Variants in PRKCE observed in about 807,000 individuals in gnomAD.
PRKCE encodes protein kinase C epsilon type.
In PRKCE, 16 loss-of-function variants were observed where a neutral mutation model predicts 85.4. The ratio of observed to expected loss-of-function variants is 0.19; its 90% CI spans 0.13 to 0.28. The LOEUF is 0.28. Ranked by LOEUF, PRKCE falls within the 10% of genes least tolerant of loss-of-function variation. The pLI is 1.00. For synonymous variants in PRKCE, 388 were observed against 371.5 expected (o/e 1.04, Z -0.51); for missense variants, 573 against 975.2 (o/e 0.59, Z 5.49).
intron 1 of PRKCE, among the ~76,000 whole-genome samples, chr2:45,799,165 C>CA (rs60365471): frequency 0.085 from 10,200 of 119,562 alleles, 1,166 homozygotes; most frequent in African/African-American, 0.28. Context: ...GACTCCGTTT[C>CA]AAAAAAAAAA....
chr2:45,912,516 G>C (rs552280047), intron 2 of PRKCE, among the ~76,000 whole-genome samples: 2 of 152,160 alleles, frequency 1.3e-5, no homozygotes, highest in Non-Finnish European at 2.9e-5. Context: ...GCCTTGATTG[G>C]GGAAGGCTGA....
chr2:45,705,371 G>T (rs530761496), intron 1 of PRKCE, among the ~76,000 whole-genome samples: 1 of 152,340 alleles, frequency 6.6e-6, no homozygotes, highest in South Asian at 2.1e-4. Context: ...GCTGAATCCA[G>T]GAGTGGAAAA....
chr2:45,768,735 C>G (rs1256078487), intron 1 of PRKCE, among the ~76,000 whole-genome samples: 1 of 152,230 alleles, frequency 6.6e-6, no homozygotes, highest in African/African-American at 2.4e-5. Flanking sequence ...CCCATTTCTA[C>G]TACTGATTTT....
intron 1 of PRKCE, among the ~76,000 whole-genome samples, chr2:45,706,572 C>T (rs755552139): frequency 3.3e-5 from 5 of 152,170 alleles, no homozygotes; most frequent in African/African-American, 9.7e-5. Flanking sequence ...GATCTTTGCT[C>T]TTGTTTCTGC....
chr2:46,112,977 AC>A (rs1369230988), intron 11 of PRKCE, among the ~76,000 whole-genome samples: 4 of 152,220 alleles, frequency 2.6e-5, no homozygotes, highest in African/African-American at 9.6e-5. Flanking sequence ...AGAATCTATA[AC>A]ATATTGTCAT....
intron 6 of PRKCE, among the ~76,000 whole-genome samples, chr2:45,998,750 C>T (rs1704424325): frequency 6.6e-6 from 1 of 152,054 alleles, no homozygotes; most frequent in Non-Finnish European, 1.5e-5. Flanking sequence ...CTATGTTTGT[C>T]TTCCACTCAT....
chr2:46,181,781 C>A (rs1334474311), intron 14 of PRKCE, among the ~76,000 whole-genome samples: 1 of 152,154 alleles, frequency 6.6e-6, no homozygotes, highest in Non-Finnish European at 1.5e-5. Context: ...CACAGGTTCC[C>A]CTCATTAGCA....
chr2:45,976,661 C>A lies in PRKCE; in HGVS notation c.572+73C>A. ...GATGTCGGGGATGGGGTAGGGGAGACTATGCACCTCATTTAAAGAATGCTG... is the reference window on the plus strand; with the variant it reads ...GATGTCGGGGATGGGGTAGGGGAGAATATGCACCTCATTTAAAGAATGCTG... On this transcript the variant is annotated intron_variant, in intron 3 of 14. Transcript: ENST00000306156. 2.0e-6 allele frequency: 3 copies of A among 1,490,364 alleles called. No homozygotes were observed. In the East Asian group the frequency reaches 6.8e-5, roughly 34 times the overall value. The allele number at this position is 1,490,364 out of a possible 1,614,324, so 92.3% of individuals were successfully genotyped here.
intron 2 of PRKCE, among the ~76,000 whole-genome samples, chr2:45,966,957 A>G (rs1468256496): frequency 6.6e-6 from 1 of 152,178 alleles, no homozygotes; most frequent in African/African-American, 2.4e-5. Context: ...TCAGTATTGG[A>G]TTACTAAAGC....
intron 1 of PRKCE, among the ~76,000 whole-genome samples, chr2:45,672,866 A>T (rs1047928465): frequency 2.0e-5 from 3 of 152,094 alleles, no homozygotes; most frequent in South Asian, 2.1e-4. Flanking sequence ...CTCTAAAAAA[A>T]TTTTTAAAAA....
chr2:45,730,958 T>G (rs902268953), intron 1 of PRKCE, among the ~76,000 whole-genome samples: 5 of 152,220 alleles, frequency 3.3e-5, no homozygotes, highest in Admixed American at 3.3e-4. Flanking sequence ...CCTGGATTTA[T>G]CTAAAAGGAA....
chr2:45,744,250 G>C (rs529412548), intron 1 of PRKCE, among the ~76,000 whole-genome samples: 4 of 152,234 alleles, frequency 2.6e-5, no homozygotes, highest in East Asian at 3.9e-4. Flanking sequence ...TCAATCAATG[G>C]TAGTGGATGT....
chr2:45,905,992 C>T lies in PRKCE; in HGVS notation c.412+62929C>T, dbSNP rs1696944089. 6.6e-6 allele frequency among the ~76,000 whole-genome samples: 1 copy of T among 152,218 alleles called. No individual in the cohort carries two copies. The highest frequency in any genetic ancestry group is 2.4e-5 in the African/African-American group (1 of 41,452). The stretch of plus-strand genomic sequence containing the variant: ...CAGCGGTGATGCGCTTTCAACCCTC[C>T]TCCCCTACCCACATGACCCGGGTAT... On this transcript the variant is annotated intron_variant, in intron 2 of 14. Transcript: ENST00000306156. The surrounding 1 kb of genome is among the most constrained non-coding windows in gnomAD (Gnocchi z 4.4).
chr2:45,687,377 A>C (rs1677379379), intron 1 of PRKCE, among the ~76,000 whole-genome samples: 1 of 152,242 alleles, frequency 6.6e-6, no homozygotes, highest in Admixed American at 6.5e-5. Context: ...TCCAACTTAC[A>C]ATAGGTTACC....
At chr2:46,012,709 G>A (rs1387387116) in intron 10 of PRKCE, among the ~76,000 whole-genome samples, 2 of 152,238 alleles carry the variant, frequency 1.3e-5, no homozygotes, top group African/African-American at 2.4e-5. Flanking sequence ...GGGAAGCCAC[G>A]TTGAAGGTCA....
intron 2 of PRKCE, among the ~76,000 whole-genome samples, chr2:45,926,201 C>A (rs779920387): frequency 6.6e-6 from 1 of 152,130 alleles, no homozygotes; most frequent in Non-Finnish European, 1.5e-5. Flanking sequence ...ACTGCTGAGG[C>A]CTGCAATGAT....
chr2:45,705,615 G>A (rs1004507552), intron 1 of PRKCE, among the ~76,000 whole-genome samples: 34 of 152,160 alleles, frequency 2.2e-4, no homozygotes, highest in Admixed American at 1.6e-3. Flanking sequence ...AAACCTCCAC[G>A]CTTTGGCTTC....
intron 2 of PRKCE, among the ~76,000 whole-genome samples, chr2:45,939,839 C>T (rs1699752565): frequency 6.6e-6 from 1 of 152,232 alleles, no homozygotes; most frequent in African/African-American, 2.4e-5. Flanking sequence ...AGGCGTGAGC[C>T]ACCATGCCTG....
At chr2:45,948,560 G>T (rs1700395955) in intron 2 of PRKCE, among the ~76,000 whole-genome samples, 1 of 152,134 alleles carries the variant, frequency 6.6e-6, no homozygotes, top group Non-Finnish European at 1.5e-5. Context: ...GATTGCTTGA[G>T]CCCAGGAGCT....
Sources: gnomAD v4.1 joint callset for allele counts (sites outside exome capture counted in the v4.1 genomes callset) on GRCh38, gnomAD v4.1.1 for gene constraint, Gnocchi (gnomAD v3.1) non-coding constraint, MANE v1.5 for transcripts, NCBI Gene and HGNC (gene_info 2026-07-23, HGNC 2026-07-21) for gene names.